Variants in FSCN2 observed in about 807,000 individuals in gnomAD.
FSCN2 encodes the protein fascin actin-bundling protein 2, retinal.
Under a neutral mutation model 37.8 loss-of-function variants are expected in FSCN2, and 46 were observed. The ratio of observed to expected loss-of-function variants is 1.22; its 90% confidence interval spans 0.96 to 1.56. The LOEUF is 1.56. Ranked by LOEUF, FSCN2 falls within the 40% of genes most tolerant of loss-of-function variation. The pLI, the probability that FSCN2 is intolerant of heterozygous loss-of-function variation, is 0.00. For synonymous variants in FSCN2, 351 were observed against 309.4 expected, an observed-to-expected ratio of 1.13 and a Z score of -1.41; for missense variants, 844 against 730.4, an observed-to-expected ratio of 1.16 and a Z score of -1.79.
At chr17:81,519,447 G>T in the FSCN2 span, among the ~76,000 whole-genome samples, 61 of 152,316 alleles carry the variant, frequency 4.0e-4, no homozygotes, top group African/African-American at 1.4e-3. Flanking sequence ...CTGGGGCCGG[G>T]AGATGGCGCC....
At chr17:81,516,776 G>A in the FSCN2 span, among the ~76,000 whole-genome samples, 185 of 152,158 alleles carry the variant, frequency 1.2e-3, 5 homozygotes, top group South Asian at 0.037. Context: ...CCACCCCTGC[G>A]GAGTCACTGG....
chr17:81,529,265 G>C lies in FSCN2; in HGVS notation c.734G>C (p.Arg245Pro). The C allele has an allele frequency of 6.3e-7, 1 of 1,594,818 alleles. No individual in the cohort carries two copies. Among genetic ancestry groups the C allele is most frequent in the Non-Finnish European group, 8.6e-7 (1 of 1,168,422 alleles). The stretch of plus-strand genomic sequence containing the variant: ...ACCCTCAAGGCCGGCCGAAACACGC[G>C]ACCTGGCAAGGATGAGCTCTTTGAT... ...AGTLKAGRNTRPGKDELFDLE... is the reference protein window; with the variant it reads ...AGTLKAGRNTPPGKDELFDLE... The change falls in exon 1 of 5, where the codon CGA becomes CCA. Residue 245 changes from arginine (R) to proline (P), a missense_variant. Physicochemically the swap from Arg to Pro is moderately radical, Grantham distance 103 (BLOSUM62 -2). Coordinates refer to ENST00000417245, the MANE Select transcript of FSCN2 (RefSeq NM_012418.4).
In FSCN2 at chr17:81,536,163, T is replaced by TTA. The variant is rs771778693; in HGVS notation, c.1002_1003insAT (p.Glu335MetfsTer10). ...CCCTCCAGTTCTGCCAACACCATGT[T>TTA]TGAGATGGAGTGGCGTGGCCGGCGG... On this transcript the variant is annotated frameshift_variant, in exon 3 of 5. Transcript: ENST00000417245. LOFTEE classifies it high-confidence loss of function. 2.5e-6 allele frequency: 4 copies of TTA among 1,607,002 alleles called. No homozygotes were observed. Among genetic ancestry groups the TTA allele is most frequent in the Non-Finnish European group, 3.4e-6 (4 of 1,177,422 alleles).
chr17:81,536,318 G>A lies in FSCN2; in HGVS notation c.1105+51G>A, dbSNP rs1254830795. The A allele has an allele frequency of 3.8e-6, 6 of 1,560,090 alleles. No individual in the cohort carries two copies. In the African/African-American group the frequency reaches 6.8e-5, roughly 18 times the overall value. ...GGGGCAGGGGCTGTCTCCACCCAGG[G>A]AAAGGACCTGCCCAGACACCCCATC... On this transcript the variant is annotated intron_variant, in intron 3 of 4. Transcript: ENST00000417245.
In FSCN2 at chr17:81,536,734, C is replaced by T; in HGVS notation, c.1218C>T (p.Arg406=). ...HRGSNQLDTN[R]SVYDVFHLSF... ...GCTCCAACCAGCTGGACACCAACCGCTCCGTCTACGACGTCTTCCACCTGA... is the reference window on the plus strand; with the variant it reads ...GCTCCAACCAGCTGGACACCAACCGTTCCGTCTACGACGTCTTCCACCTGA... Residue 406 remains arginine, a synonymous_variant, in exon 4 of 5, where the codon CGC becomes CGT. Transcript: ENST00000417245. 1 of 1,611,114 alleles carries T rather than the reference C, an allele frequency of 6.2e-7. No individual in the cohort carries two copies. Among genetic ancestry groups the T allele is most frequent in the African/African-American group, 1.3e-5 (1 of 75,022 alleles).
At chr17:81,517,620 G>A in the FSCN2 span, among the ~76,000 whole-genome samples, 1 of 152,118 alleles carries the variant, frequency 6.6e-6, no homozygotes, top group African/African-American at 2.4e-5. Context: ...CCCCAGGCCC[G>A]TTTGTGACCC....
In FSCN2 at chr17:81,537,115, CCG is replaced by C. The variant is rs896832252; in HGVS notation, c.*36_*37del. 75 of 1,360,980 alleles carry C rather than the reference CCG, an allele frequency of 5.5e-5. 1 individual carries two copies. Among genetic ancestry groups the C allele is most frequent in the Non-Finnish European group, 6.7e-5 (71 of 1,054,324 alleles). The allele number at this position is 1,360,980 out of a possible 1,614,324, so 84.3% of individuals were successfully genotyped here. On this transcript the variant is annotated 3_prime_UTR_variant, in exon 5 of 5. Transcript: ENST00000417245. ...CAGACCAGCCTGTCGCGCATTAAAA[CCG>C]TGTCTCTCCCGCAGCTGTGGGTGGG... is the stretch of plus-strand genomic sequence containing the variant.
At chr17:81,516,350 G>A in the FSCN2 span, among the ~76,000 whole-genome samples, 2 of 152,250 alleles carry the variant, frequency 1.3e-5, no homozygotes, top group Non-Finnish European at 2.9e-5. Context: ...CCTTCCCACT[G>A]TCTTTGCAAC....
At chr17:81,529,893 G>T (rs915468921) in intron 1 of FSCN2, among the ~76,000 whole-genome samples, 3 of 152,182 alleles carry the variant, frequency 2.0e-5, no homozygotes, top group African/African-American at 4.8e-5. Context: ...CACTGCAAGC[G>T]CCGCCTCACG....
Position 81,529,001 on chromosome 17 carries a change from G to C in FSCN2, c.470G>C (p.Arg157Pro), listed in dbSNP as rs199574936. The C allele has an allele frequency of 1.6e-5, 25 of 1,583,414 alleles. No homozygotes were observed. Among genetic ancestry groups the C allele is most frequent in the Middle Eastern group, 3.3e-4 (2 of 6,044 alleles). The change falls in exon 1 of 5, where the codon CGG (arginine) becomes CCG (proline). Residue 157 changes from arginine to proline, a missense_variant. Arg to Pro is a moderately radical substitution (Grantham distance 103, BLOSUM62 -2). Coordinates refer to ENST00000417245, the MANE Select transcript of FSCN2 (RefSeq NM_012418.4). ...SRRRYVHLCP[R>P]EDEMAADGDK... ...CGGCGCTACGTGCACCTGTGCCCGC[G>C]GGAGGACGAGATGGCCGCAGACGGA...
intron 1 of FSCN2, chr17:81,530,805 G>A (rs1188534550): frequency 3.2e-6 from 1 of 312,594 alleles, no homozygotes; most frequent in Non-Finnish European, 6.2e-6. Context: ...TCCCAGCAGT[G>A]ACAGGGTCCC....
the FSCN2 span, among the ~76,000 whole-genome samples, chr17:81,516,620 G>A: frequency 3.9e-5 from 6 of 152,182 alleles, no homozygotes; most frequent in South Asian, 8.3e-4. Context: ...CCTGCAACTC[G>A]GCCTGGCTGC....
rs1238261735 is a variant in FSCN2, at chr17:81,529,216, C to G, written c.685C>G (p.Leu229Val). 2 of 1,599,552 alleles carry G rather than the reference C, an allele frequency of 1.3e-6. No individual in the cohort carries two copies. The highest frequency in any genetic ancestry group is 2.7e-5 in the African/African-American group (2 of 74,624). ...CTTCAAGGACTGCGACGGCCACTAC[C>G]TGGCACCCGTGGGGCCCGCAGGCAC... ...LAFKDCDGHY[L>V]APVGPAGTLK... The change falls in exon 1 of 5, where the codon CTG becomes GTG. Residue 229 changes from leucine to valine, a missense_variant. Coordinates refer to ENST00000417245, the MANE Select transcript of FSCN2 (RefSeq NM_012418.4).
Position 81,529,279 on chromosome 17 carries a change from G to A in FSCN2, c.748G>A (p.Glu250Lys). The change falls in exon 1 of 5, where the codon GAG (glutamate) becomes AAG (lysine). Residue 250 changes from glutamate to lysine, a missense_variant. Physicochemically the swap from Glu to Lys is moderately conservative, Grantham distance 56. Transcript: ENST00000417245. ...CCGAAACACGCGACCTGGCAAGGAT[G>A]AGCTCTTTGATCTGGAGGAGAGTCA... ...AGRNTRPGKD[E>K]LFDLEESHPQ... The A allele has an allele frequency of 6.3e-7, 1 of 1,587,204 alleles. No individual in the cohort carries two copies. Among genetic ancestry groups the A allele is most frequent in the Non-Finnish European group, 8.6e-7 (1 of 1,164,610 alleles).
the FSCN2 span, among the ~76,000 whole-genome samples, chr17:81,523,219 G>T: frequency 6.6e-6 from 1 of 152,206 alleles, no homozygotes; most frequent in South Asian, 2.1e-4. Flanking sequence ...TTCGGGGAGG[G>T]GCAGGGAGGG....
chr17:81,518,011 G>A, the FSCN2 span, among the ~76,000 whole-genome samples: 1 of 152,122 alleles, frequency 6.6e-6, no homozygotes, highest in Non-Finnish European at 1.5e-5. Flanking sequence ...TCCCACCCCA[G>A]GGCCTCGGCT....
chr17:81,519,034 C>G, the FSCN2 span: 1 of 152,224 alleles, frequency 6.6e-6, no homozygotes, highest in Non-Finnish European at 1.5e-5. Context: ...GGGAGACCGG[C>G]TGTGCCTCGC....
upstream of FSCN2, among the ~76,000 whole-genome samples, chr17:81,526,152 A>C (rs1331558321): frequency 1.3e-5 from 2 of 152,180 alleles, no homozygotes; most frequent in African/African-American, 4.8e-5. Context: ...CTGCCAGCCC[A>C]GACAGCGCTA....
intron 1 of FSCN2, among the ~76,000 whole-genome samples, chr17:81,532,635 ATGG>A (rs1238924909): frequency 1.4e-5 from 2 of 143,654 alleles, no homozygotes; most frequent in Non-Finnish European, 1.5e-5. Flanking sequence ...GATGATGGTG[ATGG>A]TGATGATGGT....
Sources: allele counts gnomAD v4.1 joint callset (sites outside exome capture counted in the v4.1 genomes callset), GRCh38; gene constraint gnomAD v4.1.1; transcripts MANE v1.5; gene names NCBI Gene and HGNC (gene_info 2026-07-23, HGNC 2026-07-21).